The following CACNG3 variants were observed in gnomAD, a reference collection of about 807,000 sequenced individuals.
CACNG3 encodes the protein calcium voltage-gated channel auxiliary subunit gamma 3.
A neutral mutation model predicts 28.5 loss-of-function variants in CACNG3; 3 were observed. The ratio of observed to expected loss-of-function variants is 0.11; its 90% CI spans 0.05 to 0.27. The LOEUF (loss-of-function observed/expected upper bound fraction) is 0.27, where lower values mean the gene tolerates loss of function less well. CACNG3 is among the 10% of genes least tolerant of loss of function. The pLI is 1.00. For missense variants in CACNG3, 236 were observed against 414.4 expected (o/e 0.57, Z 3.74); for synonymous variants, 174 against 162.2 (o/e 1.07, Z -0.55).
intron 2 of CACNG3, among the ~76,000 whole-genome samples, 162 bp from the exon 3 acceptor site, chr16:24,354,671 C>T (rs1900004242): frequency 6.6e-6 from 1 of 152,234 alleles, no homozygotes; most frequent in Admixed American, 6.5e-5. Flanking sequence ...GCCAAGACTC[C>T]TTCTAAGCAC....
intron 2 of CACNG3, among the ~76,000 whole-genome samples, chr16:24,350,207 T>C (rs1899923200): frequency 6.6e-6 from 1 of 152,232 alleles, no homozygotes; most frequent in African/African-American, 2.4e-5. Context: ...GTATCTCATT[T>C]GAGGGGCAAA....
At chr16:24,352,538 TTTG>T (rs1207199635) in intron 2 of CACNG3, among the ~76,000 whole-genome samples, 1 of 42,670 alleles carries the variant, frequency 2.3e-5, no homozygotes, top group Non-Finnish European at 4.3e-5. Context: ...TTGTTGTTTG[TTTG>T]TTTGTTTGTT....
rs1187876902 is a variant in CACNG3, at chr16:24,354,842, G to A, written c.305G>A (p.Arg102Lys). ...DTAEYLLRAV[R>K]ASSVFPILSV... ...CTCCTTCTCTCCGCAGGAGCTGTGA[G>A]GGCCTCCAGTGTCTTCCCCATCCTC... The change falls in exon 3 of 4, where the codon AGG (arginine) becomes AAG (lysine). Residue 102 changes from arginine (R) to lysine (K), a missense_variant. Coordinates refer to ENST00000005284, the MANE Select transcript of CACNG3 (RefSeq NM_006539.4). The A allele has an allele frequency of 1.9e-6, 3 of 1,612,088 alleles. No homozygotes were observed. Among genetic ancestry groups the A allele is most frequent in the Non-Finnish European group, 2.5e-6 (3 of 1,179,912 alleles).
chr16:24,324,971 A>G (rs537246381), intron 1 of CACNG3, among the ~76,000 whole-genome samples: 1 of 152,168 alleles, frequency 6.6e-6, no homozygotes, highest in South Asian at 2.1e-4. Flanking sequence ...CCTTATGTTG[A>G]GGGTCTTTTT....
rs1899667041 is a variant in CACNG3 at position 24,333,983 on chromosome 16, G to A, written c.212-12751G>A. On this transcript the variant is annotated intron_variant, in intron 1 of 3. Coordinates refer to ENST00000005284, the MANE Select transcript of CACNG3 (RefSeq NM_006539.4). ...CCCAAAGTAATTCCAATGTGAACCA[G>A]TGTTGAGAATCACTGTTGTAAGGCA... is the stretch of plus-strand genomic sequence containing the variant. 2.0e-5 allele frequency among the ~76,000 whole-genome samples: 3 copies of A among 152,132 alleles called. No homozygotes were observed. The South Asian group carries it at 6.2e-4, about 32-fold the overall frequency.
intron 1 of CACNG3, among the ~76,000 whole-genome samples, chr16:24,284,004 G>T (rs1355891589): frequency 6.6e-6 from 1 of 152,158 alleles, no homozygotes; most frequent in Non-Finnish European, 1.5e-5. Flanking sequence ...ATTTTTGATA[G>T]TTATTGAGAT....
At chr16:24,331,447 C>T (rs1267711857) in intron 1 of CACNG3, among the ~76,000 whole-genome samples, 1 of 152,210 alleles carries the variant, frequency 6.6e-6, no homozygotes, top group African/African-American at 2.4e-5. Context: ...TGGACTCTGG[C>T]TTGATCACTG....
rs1898717761 is a variant in CACNG3 at position 24,273,734 on chromosome 16, G to T, written c.211+16769G>T. Among the ~76,000 whole-genome samples the T allele has an allele frequency of 2.6e-5, 4 of 152,242 alleles. No individual in the cohort carries two copies. The South Asian group carries it at 8.3e-4, about 32-fold the overall frequency. ...CCAAGAAAAATGTCCAAATGGAGTT[G>T]CCTAATACTTAACCAGTCCATCAAA... On this transcript the variant is annotated intron_variant, in intron 1 of 3. Coordinates refer to ENST00000005284, the MANE Select transcript of CACNG3 (RefSeq NM_006539.4).
intron 3 of CACNG3, among the ~76,000 whole-genome samples, chr16:24,360,777 A>C (rs953053786): frequency 8.5e-5 from 13 of 152,176 alleles, no homozygotes; most frequent in African/African-American, 2.9e-4. Context: ...CTTCTCTCAC[A>C]TGCCATCGTC....
At chr16:24,315,475 C>T (rs1400237797) in intron 1 of CACNG3, among the ~76,000 whole-genome samples, 2 of 140,124 alleles carry the variant, frequency 1.4e-5, no homozygotes, top group Non-Finnish European at 3.1e-5. Context: ...TCCTTCCTTT[C>T]TCTCTCTCTT....
intron 2 of CACNG3, among the ~76,000 whole-genome samples, chr16:24,350,439 C>T (rs965784161): frequency 1.3e-5 from 2 of 152,026 alleles, no homozygotes; most frequent in Middle Eastern, 3.2e-3. Flanking sequence ...GGACTACAGG[C>T]ACCCACCACC....
intron 2 of CACNG3, among the ~76,000 whole-genome samples, chr16:24,351,622 GAGGGGA>G (rs1228249287): frequency 3.4e-3 from 306 of 89,408 alleles, no homozygotes; most frequent in Non-Finnish European, 4.4e-3. Flanking sequence ...GAAGGGGAAG[GAGGGGA>G]AGGGGAAGGG....
intron 1 of CACNG3, among the ~76,000 whole-genome samples, chr16:24,282,909 G>A (rs545716233): frequency 6.6e-6 from 1 of 151,932 alleles, no homozygotes; most frequent in African/African-American, 2.4e-5. Flanking sequence ...TGTCTCCCAG[G>A]CTGGAGTGCA....
At chr16:24,332,970 G>A (rs985394007) in intron 1 of CACNG3, among the ~76,000 whole-genome samples, 1 of 152,132 alleles carries the variant, frequency 6.6e-6, no homozygotes, top group African/African-American at 2.4e-5. Context: ...AGCTAACAAT[G>A]GAAGAAGAGA....
chr16:24,292,481 C>T (rs184065558), intron 1 of CACNG3, among the ~76,000 whole-genome samples: 6 of 152,258 alleles, frequency 3.9e-5, no homozygotes, highest in African/African-American at 4.8e-5. Flanking sequence ...GCAGATGGCC[C>T]GAATTGGAAA....
intron 1 of CACNG3, among the ~76,000 whole-genome samples, chr16:24,330,959 A>G (rs921466278): frequency 1.3e-5 from 2 of 152,160 alleles, no homozygotes; most frequent in African/African-American, 4.8e-5. Context: ...GTTTTTTTCC[A>G]TTGCATTTCA....
intron 1 of CACNG3, among the ~76,000 whole-genome samples, chr16:24,318,867 AG>A (rs1899421234): frequency 6.6e-6 from 1 of 152,178 alleles, no homozygotes; most frequent in South Asian, 2.1e-4. Flanking sequence ...CCCCACCAGT[AG>A]GAGGCTCCCT....
intron 1 of CACNG3, among the ~76,000 whole-genome samples, chr16:24,277,098 G>A (rs948441132): frequency 3.9e-5 from 6 of 152,242 alleles, no homozygotes; most frequent in Admixed American, 2.6e-4. Context: ...ATGTGGCCAC[G>A]AATGTTTTTG....
chr16:24,325,679 A>G (rs904236367), intron 1 of CACNG3, among the ~76,000 whole-genome samples: 1 of 152,228 alleles, frequency 6.6e-6, no homozygotes, highest in Non-Finnish European at 1.5e-5. Context: ...GGAAAAGTAG[A>G]GTTTATGAGC....
Sources: allele counts gnomAD v4.1 joint callset (sites outside exome capture counted in the v4.1 genomes callset), GRCh38; gene constraint gnomAD v4.1.1; transcripts MANE v1.5; gene names NCBI Gene and HGNC (gene_info 2026-07-23, HGNC 2026-07-21).